The following COG6 variants were observed in gnomAD, a reference collection of about 807,000 sequenced individuals.
COG6 encodes component of oligomeric golgi complex 6, also known as conserved oligomeric Golgi complex subunit 6.
In COG6, 74 loss-of-function variants were observed where a neutral mutation model predicts 88.8. That is an observed-to-expected ratio of 0.83 (90% CI 0.69 to 1.01). The LOEUF (loss-of-function observed/expected upper bound fraction) is 1.01. Among genes scored for constraint, COG6 ranks in the 50% least tolerant of loss-of-function variants. The probability of loss-of-function intolerance (pLI) is 0.00; values close to 1 mark genes in which losing one functional copy is unlikely to be tolerated. For synonymous variants in COG6, 286 were observed against 278.7 expected (o/e 1.03, Z -0.26); for missense variants, 800 against 797.9 (o/e 1.00, Z -0.03).
chr13:39,760,511 A>G (rs188664579), intron 18 of COG6, among the ~76,000 whole-genome samples: 1 of 152,278 alleles, frequency 6.6e-6, no homozygotes, highest in East Asian at 1.9e-4. Context: ...GAACATCTCA[A>G]TGTACCCTGC....
chr13:39,786,825 G>A (rs1033179536), intron 18 of COG6, among the ~76,000 whole-genome samples: 22 of 152,184 alleles, frequency 1.4e-4, no homozygotes, highest in African/African-American at 2.6e-4. Flanking sequence ...TGATTGATTC[G>A]TGTAAGCCCC....
chr13:39,786,001 AC>A (rs1881762217), intron 18 of COG6, among the ~76,000 whole-genome samples: 1 of 152,170 alleles, frequency 6.6e-6, no homozygotes, highest in Admixed American at 6.5e-5. Flanking sequence ...TCTATAAGGT[AC>A]AGTCAGGATA....
chr13:39,756,410 A>T (rs1312167744), downstream of COG6, among the ~76,000 whole-genome samples: 1 of 152,188 alleles, frequency 6.6e-6, no homozygotes, highest in East Asian at 1.9e-4. Context: ...CACCGTCAAC[A>T]ATACACAAAC....
Position 39,659,511 on chromosome 13 carries a change from T to C in COG6, c.297+4T>C, listed in dbSNP as rs1164875548. The C allele has an allele frequency of 5.0e-6, 8 of 1,611,154 alleles. No homozygotes were observed. Among genetic ancestry groups the C allele is most frequent in the Non-Finnish European group, 6.8e-6 (8 of 1,178,068 alleles). On this transcript the variant is annotated splice_donor_region_variant and intron_variant, in intron 2 of 18. Coordinates refer to ENST00000455146, the MANE Select transcript of COG6 (RefSeq NM_020751.3). ...CATTTTCAAGGAAGTGAAGGAGGTA[T>C]GTAAACTCTTTTCATTTAGCATATA...
chr13:39,683,741 A>T (rs1421147118), intron 8 of COG6, among the ~76,000 whole-genome samples: 1 of 89,620 alleles, frequency 1.1e-5, no homozygotes, highest in Non-Finnish European at 2.5e-5. Context: ...TTAATCTTTT[A>T]TGTATTAAAA....
chr13:39,728,094 T>C lies in COG6; in HGVS notation c.1826+546T>C, dbSNP rs759091407. Among the ~76,000 whole-genome samples, 80 of 152,272 alleles carry C rather than the reference T, an allele frequency of 5.3e-4. 1 individual carries two copies. The highest frequency in any genetic ancestry group is 7.1e-4 in the Non-Finnish European group (48 of 67,978). Reference sequence around the variant, plus strand: ...TAAGAAAAATATTGGCAAAATTGTCTATAGGTAAGAAATTAGGCAACATTA... The same window carrying C: ...TAAGAAAAATATTGGCAAAATTGTCCATAGGTAAGAAATTAGGCAACATTA... On this transcript the variant is annotated intron_variant, in intron 18 of 18. Coordinates refer to ENST00000455146, the MANE Select transcript of COG6 (RefSeq NM_020751.3).
At chr13:39,710,208 TG>T (rs1878162250) in intron 13 of COG6, among the ~76,000 whole-genome samples, 2 of 152,128 alleles carry the variant, frequency 1.3e-5, no homozygotes, top group Admixed American at 1.3e-4. Context: ...TGCACATCTT[TG>T]GTTAGATTTA....
chr13:39,712,613 G>A (rs1158236310), intron 13 of COG6, among the ~76,000 whole-genome samples: 1 of 152,210 alleles, frequency 6.6e-6, no homozygotes, highest in Non-Finnish European at 1.5e-5. Flanking sequence ...TCTGTTTGAA[G>A]TAGACGTTCT....
intron 4 of COG6, among the ~76,000 whole-genome samples, chr13:39,671,192 C>A (rs1875609786): frequency 6.6e-6 from 1 of 151,764 alleles, no homozygotes; most frequent in African/African-American, 2.4e-5. Flanking sequence ...TATGGCTTAT[C>A]CATTTCTTGT....
chr13:39,679,573 T>G lies in COG6; in HGVS notation c.576T>G (p.Ile192Met), dbSNP rs1256796577. Reference sequence around the variant, plus strand: ...AGGCACTGGGAAGAGTAAAACAGATTCATAATGATGTCAAAGTTCTCTTGC... The same window carrying G: ...AGGCACTGGGAAGAGTAAAACAGATGCATAATGATGTCAAAGTTCTCTTGC... Reference protein sequence around the residue: ...FFKALGRVKQIHNDVKVLLRT... With the variant: ...FFKALGRVKQMHNDVKVLLRT... The change falls in exon 6 of 19, where the codon ATT becomes ATG. Residue 192 changes from isoleucine to methionine, a missense_variant. Physicochemically the swap from Ile to Met is conservative, Grantham distance 10. Coordinates refer to ENST00000455146, the MANE Select transcript of COG6 (RefSeq NM_020751.3). 1.2e-6 allele frequency: 2 copies of G among 1,606,340 alleles called. No individual in the cohort carries two copies. Among genetic ancestry groups the G allele is most frequent in the African/African-American group, 2.7e-5 (2 of 74,798 alleles).
Position 39,677,208 on chromosome 13 carries a change from T to C in COG6, c.429-260T>C, listed in dbSNP as rs535139063. Among the ~76,000 whole-genome samples the C allele has an allele frequency of 3.3e-5, 5 of 152,300 alleles. No individual in the cohort carries two copies. The South Asian group carries it at 1.0e-3, about 32-fold the overall frequency. On this transcript the variant is annotated intron_variant, in intron 4 of 18. Transcript: ENST00000455146. ...AAATTTGTAATGCAGGGACCATGCA[T>C]GGACTTATTTGTTCTTTTGCGTAAT...
intron 8 of COG6, among the ~76,000 whole-genome samples, chr13:39,686,574 T>C (rs182566306): frequency 2.0e-5 from 3 of 152,322 alleles, no homozygotes; most frequent in African/African-American, 7.2e-5. Flanking sequence ...GTCAGTAAAT[T>C]TAAGGAACAT....
At chr13:39,660,257 A>G (rs1874813607) in intron 2 of COG6, among the ~76,000 whole-genome samples, 1 of 152,096 alleles carries the variant, frequency 6.6e-6, no homozygotes, top group African/African-American at 2.4e-5. Context: ...GTTCCCAGGT[A>G]TGATCATAGT....
chr13:39,787,338 C>T (rs1290871602), intron 18 of COG6, among the ~76,000 whole-genome samples: 2 of 152,094 alleles, frequency 1.3e-5, no homozygotes, highest in African/African-American at 4.8e-5. Flanking sequence ...TAACTGCATG[C>T]TTTAGCATTT....
intron 18 of COG6, among the ~76,000 whole-genome samples, chr13:39,771,928 G>A (rs988405454): frequency 5.3e-5 from 8 of 152,214 alleles, no homozygotes; most frequent in African/African-American, 1.4e-4. Context: ...AGGGTGCAAG[G>A]TAGGGGTGAG....
intron 16 of COG6, 139 bp downstream of exon 16, chr13:39,723,579 G>GT: frequency 1.5e-6 from 1 of 661,490 alleles, no homozygotes; most frequent in Non-Finnish European, 2.8e-6. Flanking sequence ...TTCTGTATCT[G>GT]TTTCCTTACC....
rs537037009 is a variant in COG6 at position 39,751,965 on chromosome 13, AATGATCTACTC to A, written c.*874_*884del. On this transcript the variant is annotated 3_prime_UTR_variant, in exon 19 of 19. Coordinates refer to ENST00000455146, the MANE Select transcript of COG6 (RefSeq NM_020751.3). Reference sequence around the variant, plus strand: ...TATCTGGTGTTCAAACCAAAGAAACAATGATCTACTCAAACATTGGAGAAAAAAACTGCCAG... The same window carrying A: ...TATCTGGTGTTCAAACCAAAGAAACAAAACATTGGAGAAAAAAACTGCCAG... 2.0e-4 allele frequency: 239 copies of A among 1,222,920 alleles called. No individual in the cohort carries two copies. In the African/African-American group the frequency reaches 3.1e-3, roughly 16 times the overall value. The allele number at this position is 1,222,920 out of a possible 1,614,324, so 75.8% of individuals were successfully genotyped here.
At chr13:39,746,749 T>A (rs1039019299) in intron 18 of COG6, among the ~76,000 whole-genome samples, 1 of 152,168 alleles carries the variant, frequency 6.6e-6, no homozygotes, top group African/African-American at 2.4e-5. Context: ...CTTTTTAAGA[T>A]AAAGGATGAA....
chr13:39,666,721 A>C (rs1354183932), intron 4 of COG6, among the ~76,000 whole-genome samples: 1 of 152,204 alleles, frequency 6.6e-6, no homozygotes, highest in South Asian at 2.1e-4. Flanking sequence ...TCTTAGGGCT[A>C]CAAAGGACTC....
Sources: allele counts gnomAD v4.1 joint callset (sites outside exome capture counted in the v4.1 genomes callset), GRCh38; gene constraint gnomAD v4.1.1; transcripts MANE v1.5; gene names NCBI Gene and HGNC (gene_info 2026-07-23, HGNC 2026-07-21).